FBXO11: variants seen among roughly 807,000 people sequenced by gnomAD.
FBXO11 encodes the protein F-box protein 11, also known as F-box only protein 11.
Under a neutral mutation model 117.0 loss-of-function variants are expected in FBXO11, and 13 were observed. The ratio of observed to expected loss-of-function variants is 0.11; its 90% CI spans 0.07 to 0.18. The LOEUF (loss-of-function observed/expected upper bound fraction) is 0.18, where lower values mean the gene tolerates loss of function less well. Ranked by LOEUF, FBXO11 falls within the 10% of genes least tolerant of loss-of-function variation. The probability of loss-of-function intolerance (pLI) is 1.00; values close to 1 mark genes in which losing one functional copy is unlikely to be tolerated. For missense variants in FBXO11, 767 were observed against 1,164.4 expected (o/e 0.66, Z 4.97); for synonymous variants, 490 against 380.5 (o/e 1.29, Z -3.35).
chr2:47,826,912 T>G (rs531038374), intron 11 of FBXO11, among the ~76,000 whole-genome samples: 2 of 152,296 alleles, frequency 1.3e-5, no homozygotes, highest in South Asian at 4.1e-4. Context: ...TTAATACATT[T>G]ACATTTACAT....
chr2:47,905,472 A>T lies in FBXO11; in HGVS notation c.232+17T>A. 1 of 1,221,434 alleles carries T rather than the reference A, an allele frequency of 8.2e-7. No homozygotes were observed. The highest frequency in any genetic ancestry group is 1.0e-6 in the Non-Finnish European group (1 of 981,810). 75.7% of individuals were successfully genotyped at this position (1,221,434 alleles called of 1,614,324 possible). ...GTGCCCGGGAAGGCGGGCGGTTGGG[A>T]GGTAGCGCGGCCTTACCCCGCTCGC... On this transcript the variant is annotated intron_variant, in intron 1 of 22. Transcript: ENST00000403359.
At position 47,809,282 on chromosome 2, in the gene FBXO11, G is replaced by GA. The variant is rs1558400643; in HGVS notation, c.2447-17dup. On this transcript the variant is annotated splice_polypyrimidine_tract_variant and intron_variant, in intron 20 of 22. Transcript: ENST00000403359. ...ATTTTGTTATCTGTAATAAAAGAAA[G>GA]AATAAGTAAAAATTCAGAGGAATGT... The GA allele has an allele frequency of 6.9e-7, 1 of 1,459,192 alleles. No individual in the cohort carries two copies. The allele number at this position is 1,459,192 out of a possible 1,614,324, so 90.4% of individuals were successfully genotyped here.
chr2:47,861,904 T>G (rs1171682145), intron 1 of FBXO11, among the ~76,000 whole-genome samples: 1 of 148,564 alleles, frequency 6.7e-6, no homozygotes, highest in Admixed American at 6.7e-5. Flanking sequence ...CATGTAAGGT[T>G]AAGTTTTTTT....
intron 1 of FBXO11, among the ~76,000 whole-genome samples, chr2:47,904,758 T>C (rs1678620498): frequency 6.6e-6 from 1 of 151,994 alleles, no homozygotes; most frequent in African/African-American, 2.4e-5. Flanking sequence ...GTAACTGCAC[T>C]GCACACGAGG....
chr2:47,839,623 C>T lies in FBXO11; in HGVS notation c.360+19G>A, dbSNP rs1208853088. Reference sequence around the variant, plus strand: ...AATTCTTTCATTACAAAAAGAAAAGCAACTACAGTTAAAGTTACCTCCATA... The same window carrying T: ...AATTCTTTCATTACAAAAAGAAAAGTAACTACAGTTAAAGTTACCTCCATA... On this transcript the variant is annotated intron_variant, in intron 2 of 22. Coordinates refer to ENST00000403359, the MANE Select transcript of FBXO11 (RefSeq NM_001190274.2). 1.2e-6 allele frequency: 2 copies of T among 1,606,404 alleles called. No homozygotes were observed. Among genetic ancestry groups the T allele is most frequent in the East Asian group, 2.2e-5 (1 of 44,844 alleles).
chr2:47,874,935 G>T (rs1000037456), intron 1 of FBXO11, among the ~76,000 whole-genome samples: 3 of 140,008 alleles, frequency 2.1e-5, no homozygotes, highest in African/African-American at 8.1e-5. Flanking sequence ...TATTCCTGTT[G>T]AATGACTAAC....
In FBXO11 at chr2:47,839,787, A is replaced by G. The variant is rs1215141990; in HGVS notation, c.233-18T>C. 10 of 1,592,584 alleles carry G rather than the reference A, an allele frequency of 6.3e-6. No individual in the cohort carries two copies. The highest frequency in any genetic ancestry group is 6.8e-6 in the Non-Finnish European group (8 of 1,174,326). On this transcript the variant is annotated intron_variant, in intron 1 of 22. Coordinates refer to ENST00000403359, the MANE Select transcript of FBXO11 (RefSeq NM_001190274.2). Reference sequence around the variant, plus strand: ...ATCATCATCTGTTATAAACAAAAGCAATAAGAAAAATTATACCCTTTTTAA... The same window carrying G: ...ATCATCATCTGTTATAAACAAAAGCGATAAGAAAAATTATACCCTTTTTAA...
chr2:47,884,063 TAA>T (rs1676633745), intron 1 of FBXO11, among the ~76,000 whole-genome samples: 1 of 151,852 alleles, frequency 6.6e-6, no homozygotes, highest in Admixed American at 6.6e-5. Context: ...CTACTAAAAA[TAA>T]AAAAGTTAGC....
In FBXO11 at chr2:47,906,011, C is replaced by T. The variant is rs1678788302; in HGVS notation, c.-291G>A. ...CGAGGGACGAAGGCAGAAAGACGGG[C>T]AGACCGAGAGAAAGAAAGAAAGGGC... On this transcript the variant is annotated 5_prime_UTR_variant, in exon 1 of 23. Coordinates refer to ENST00000403359, the MANE Select transcript of FBXO11 (RefSeq NM_001190274.2). The T allele has an allele frequency of 2.9e-6, 1 of 350,328 alleles. No individual in the cohort carries two copies. Among genetic ancestry groups the T allele is most frequent in the East Asian group, 4.8e-5 (1 of 20,640 alleles). 21.7% of individuals were successfully genotyped at this position (350,328 alleles called of 1,614,324 possible).
chr2:47,839,170 T>A (rs1238570127), intron 3 of FBXO11, among the ~76,000 whole-genome samples, 167 bp from the exon 4 acceptor site: 2 of 152,056 alleles, frequency 1.3e-5, no homozygotes, highest in African/African-American at 4.8e-5. Context: ...TATCCTGAAC[T>A]AACAAAAGTA....
At chr2:47,826,199 C>CTGT (rs1671744482) in intron 11 of FBXO11, among the ~76,000 whole-genome samples, 1 of 152,104 alleles carries the variant, frequency 6.6e-6, no homozygotes, top group African/African-American at 2.4e-5. Context: ...GCTGGGACTA[C>CTGT]AGGTGCCGCC....
At position 47,822,291 on chromosome 2, in the gene FBXO11, T is replaced by C. The variant is rs769426530; in HGVS notation, c.1629A>G (p.Ile543Met). The C allele has an allele frequency of 6.3e-7, 1 of 1,584,832 alleles. No homozygotes were observed. The highest frequency in any genetic ancestry group is 8.6e-7 in the Non-Finnish European group (1 of 1,164,708). ...AAACTCCTCCTTGATTTCCATTAAATATAGAATTTCCCCTATAATTATGCG... is the reference window on the plus strand; with the variant it reads ...AAACTCCTCCTTGATTTCCATTAAACATAGAATTTCCCCTATAATTATGCG... ...NSDPTIRGNSIFNGNQGGVYI... is the reference protein window; with the variant it reads ...NSDPTIRGNSMFNGNQGGVYI... Residue 543 changes from isoleucine to methionine, a missense_variant, in exon 13 of 23, where the codon ATA becomes ATG. This residue lies in a region of FBXO11 where 67 missense variants were observed against 148.8 expected (regional missense o/e 0.45). Transcript: ENST00000403359.
intron 16 of FBXO11, among the ~76,000 whole-genome samples, chr2:47,817,117 A>G (rs1038605618): frequency 6.6e-6 from 1 of 152,236 alleles, no homozygotes; most frequent in African/African-American, 2.4e-5. Flanking sequence ...GATCTTAGCT[A>G]TATCTTCTGG....
chr2:47,816,861 T>C (rs990281162), intron 16 of FBXO11, among the ~76,000 whole-genome samples: 5 of 152,334 alleles, frequency 3.3e-5, no homozygotes, highest in East Asian at 1.9e-4. Context: ...GTTCCCTTTA[T>C]AGCGCACAGG....
Position 47,832,695 on chromosome 2 carries a change from T to A in FBXO11, c.1154-17A>T. ...CAGAACCAACTGTAGAAAAATTATT[T>A]ATTTATGTAAAAACCTACTGGGCAA... On this transcript the variant is annotated splice_polypyrimidine_tract_variant and intron_variant, in intron 9 of 22. Transcript: ENST00000403359. 1 of 1,611,704 alleles carries A rather than the reference T, an allele frequency of 6.2e-7. No individual in the cohort carries two copies. Among genetic ancestry groups the A allele is most frequent in the South Asian group, 1.1e-5 (1 of 90,822 alleles).
chr2:47,887,298 T>TG (rs1295853613), intron 1 of FBXO11, among the ~76,000 whole-genome samples: 3 of 81,292 alleles, frequency 3.7e-5, no homozygotes, highest in African/African-American at 9.4e-5. Flanking sequence ...AAAAAAAAGG[T>TG]GGGGGGGAGG....
rs1670326835 is a variant in FBXO11 at position 47,807,785 on chromosome 2, T to TGGACTGCATCCA, written c.*332_*333insTGGATGCAGTCC. On this transcript the variant is annotated 3_prime_UTR_variant, in exon 23 of 23. Coordinates refer to ENST00000403359, the MANE Select transcript of FBXO11 (RefSeq NM_001190274.2). Reference sequence around the variant, plus strand: ...ACAAAGCTGCTTGTCTATTGAAGATTACTACTGCAAATTGGACTGCATTCA... The same window carrying TGGACTGCATCCA: ...ACAAAGCTGCTTGTCTATTGAAGATTGGACTGCATCCAACTACTGCAAATTGGACTGCATTCA... 3.8e-6 allele frequency: 1 copy of TGGACTGCATCCA among 260,540 alleles called. No homozygotes were observed. Among genetic ancestry groups the TGGACTGCATCCA allele is most frequent in the Non-Finnish European group, 7.4e-6 (1 of 134,354 alleles). 16.1% of individuals were successfully genotyped at this position (260,540 alleles called of 1,614,324 possible).
rs778665863 is a variant in FBXO11, at chr2:47,809,282, GAA to G, written c.2447-18_2447-17del. 1.4e-6 allele frequency: 2 copies of G among 1,459,192 alleles called. No homozygotes were observed. Among genetic ancestry groups the G allele is most frequent in the South Asian group, 2.4e-5 (2 of 82,242 alleles). The allele number at this position is 1,459,192 out of a possible 1,614,324, so 90.4% of individuals were successfully genotyped here. A position where few individuals can be genotyped will look rare whatever the true frequency, so the allele number is the denominator to read the frequency against. On this transcript the variant is annotated splice_polypyrimidine_tract_variant and intron_variant, in intron 20 of 22. Coordinates refer to ENST00000403359, the MANE Select transcript of FBXO11 (RefSeq NM_001190274.2). ...ATTTTGTTATCTGTAATAAAAGAAA[GAA>G]TAAGTAAAAATTCAGAGGAATGTTA...
At chr2:47,880,359 A>T (rs1676348360) in intron 1 of FBXO11, among the ~76,000 whole-genome samples, 1 of 152,146 alleles carries the variant, frequency 6.6e-6, no homozygotes, top group Non-Finnish European at 1.5e-5. Flanking sequence ...AAATTATAAG[A>T]AGACTTCTAC....
Sources: allele counts gnomAD v4.1 joint callset (sites outside exome capture counted in the v4.1 genomes callset), GRCh38; gene constraint gnomAD v4.1.1; regional missense constraint gnomAD v4.1.1; transcripts MANE v1.5; gene names NCBI Gene and HGNC (gene_info 2026-07-23, HGNC 2026-07-21).